USP54: variants seen among roughly 807,000 people sequenced by gnomAD.
The protein encoded by USP54 is ubiquitin carboxyl-terminal hydrolase 54.
In USP54, 87 loss-of-function variants were observed where a neutral mutation model predicts 170.5. The observed-to-expected ratio is 0.51, with a 90% CI of 0.43 to 0.61. USP54 has a LOEUF of 0.61. USP54 is among the 20% of genes least tolerant of loss of function. USP54 has a pLI of 0.00. For synonymous variants in USP54, 655 were observed against 742.8 expected, an observed-to-expected ratio of 0.88 and a Z score of 1.92; for missense variants, 1,786 against 2,047.8, an observed-to-expected ratio of 0.87 and a Z score of 2.47.
At position 73,529,922 on chromosome 10, in the gene USP54, C is replaced by A; in HGVS notation, c.1829-11G>T. 1 of 1,520,998 alleles carries A rather than the reference C, an allele frequency of 6.6e-7. No individual in the cohort carries two copies. Among genetic ancestry groups the A allele is most frequent in the South Asian group, 1.3e-5 (1 of 75,106 alleles). 94.2% of individuals were successfully genotyped at this position (1,520,998 alleles called of 1,614,324 possible). ...GTATAAATTCTTTAGCTATCCCAAT[C>A]AAAAGACAGGTATGGAAAATGAGGT... is the stretch of plus-strand genomic sequence containing the variant. On this transcript the variant is annotated splice_polypyrimidine_tract_variant and intron_variant, in intron 14 of 23. Transcript: ENST00000687698.
At chr10:73,561,938 G>T (rs745493182) in intron 4 of USP54, among the ~76,000 whole-genome samples, 1 of 151,856 alleles carries the variant, frequency 6.6e-6, no homozygotes, top group Admixed American at 6.6e-5. Context: ...AGCATAAAAA[G>T]AAATGACAAT....
rs769520701 is a variant in USP54 at position 73,498,883 on chromosome 10, G to T, written c.4801C>A (p.His1601Asn). 6.8e-6 allele frequency: 5 copies of T among 736,098 alleles called. No homozygotes were observed. Among genetic ancestry groups the T allele is most frequent in the African/African-American group, 3.6e-5 (2 of 55,492 alleles). The allele number at this position is 736,098 out of a possible 1,614,324, so 45.6% of individuals were successfully genotyped here. A position where few individuals can be genotyped will look rare whatever the true frequency, so the allele number is the denominator to read the frequency against. ...FHSPSHPPIV[H>N]PVYPPSSSLH... is the part of the protein sequence containing the mutation. Reference sequence around the variant, plus strand: ...CTGCTAGATGGTGGGTACACAGGATGAACAATGGGAGGGTGGGAGGGTGAA... The same window carrying T: ...CTGCTAGATGGTGGGTACACAGGATTAACAATGGGAGGGTGGGAGGGTGAA... Residue 1601 changes from histidine to asparagine, a missense_variant, in exon 24 of 24, where the codon CAT (histidine) becomes AAT (asparagine). Coordinates refer to ENST00000687698, the MANE Select transcript of USP54 (RefSeq NM_001391956.1).
intron 1 of USP54, among the ~76,000 whole-genome samples, chr10:73,589,444 C>T (rs1385034610): frequency 6.6e-6 from 1 of 152,136 alleles, no homozygotes; most frequent in Non-Finnish European, 1.5e-5. Flanking sequence ...ATTTATTAGG[C>T]CCCTGGATAG....
chr10:73,541,554 T>A, intron 8 of USP54, 33 bp from the exon 9 acceptor site: 1 of 1,613,640 alleles, frequency 6.2e-7, no homozygotes, highest in Non-Finnish European at 8.5e-7. Flanking sequence ...GTTCAACATG[T>A]TTCCCACTGG....
intron 22 of USP54, among the ~76,000 whole-genome samples, chr10:73,503,203 A>G (rs947235844): frequency 6.6e-6 from 1 of 152,210 alleles, no homozygotes; most frequent in African/African-American, 2.4e-5. Context: ...ATATTTGCTC[A>G]GGTCCCTTTT....
intron 22 of USP54, among the ~76,000 whole-genome samples, chr10:73,501,611 C>T (rs1175656528): frequency 1.3e-5 from 2 of 152,132 alleles, no homozygotes; most frequent in Non-Finnish European, 2.9e-5. Flanking sequence ...TTAAATTCAC[C>T]TGGACTACTG....
intron 1 of USP54, among the ~76,000 whole-genome samples, chr10:73,604,070 G>A (rs1239134308): frequency 2.0e-5 from 3 of 152,026 alleles, no homozygotes; most frequent in Non-Finnish European, 2.9e-5. Context: ...CCAATGTGGT[G>A]AAACCCTGTC....
chr10:73,499,176 C>G lies in USP54; in HGVS notation c.4508G>C (p.Ser1503Thr), dbSNP rs533163289. The G allele has an allele frequency of 6.3e-7, 1 of 1,597,724 alleles. No individual in the cohort carries two copies. The highest frequency in any genetic ancestry group is 1.8e-5 in the Admixed American group (1 of 56,030). Reference protein sequence around the residue: ...EPNRLPGTSRSVQQFLAMCDR... With the variant: ...EPNRLPGTSRTVQQFLAMCDR... ...ACACATAGCCAGAAACTGCTGGACA[C>G]TCCTTGAAGTTCCTGGGGAAAGAAA... Residue 1503 changes from serine (S) to threonine (T), a missense_variant, in exon 24 of 24, where the codon AGT becomes ACT. By Grantham distance (58) the Ser-to-Thr change is moderately conservative (BLOSUM62 1). Around this residue, in one of 3 missense-constraint regions of USP54, gnomAD observed 1,418 missense variants for 1,569.0 expected, o/e 0.90. Transcript: ENST00000687698.
At chr10:73,605,913 C>T (rs1462885448) in intron 1 of USP54, among the ~76,000 whole-genome samples, 2 of 151,924 alleles carry the variant, frequency 1.3e-5, no homozygotes, top group Non-Finnish European at 2.9e-5. Flanking sequence ...TGTGGTAGCG[C>T]ACACCTGTAA....
chr10:73,550,080 C>T (rs1350024027), intron 4 of USP54, among the ~76,000 whole-genome samples: 1 of 152,158 alleles, frequency 6.6e-6, no homozygotes, highest in Non-Finnish European at 1.5e-5. Context: ...TGTGCCACTA[C>T]ACCCGGCTAA....
chr10:73,608,766 G>A (rs558603309), intron 1 of USP54, among the ~76,000 whole-genome samples: 18 of 152,224 alleles, frequency 1.2e-4, no homozygotes, highest in South Asian at 2.1e-4. Flanking sequence ...GCATGCTAGC[G>A]CGTGTCTGTA....
At chr10:73,513,853 C>T (rs1227433343) in intron 20 of USP54, among the ~76,000 whole-genome samples, 1 of 152,012 alleles carries the variant, frequency 6.6e-6, no homozygotes, top group Non-Finnish European at 1.5e-5. Context: ...CTTGGTCTGT[C>T]GCCCAGGTTA....
chr10:73,610,813 T>C (rs892450070), intron 1 of USP54, among the ~76,000 whole-genome samples: 4 of 152,164 alleles, frequency 2.6e-5, no homozygotes, highest in African/African-American at 7.2e-5. Flanking sequence ...TTGAAAAAAA[T>C]GTGCTTTGTA....
intron 1 of USP54, among the ~76,000 whole-genome samples, chr10:73,624,192 A>ATG (rs1554955702): frequency 9.2e-6 from 1 of 109,060 alleles, no homozygotes; most frequent in Non-Finnish European, 1.8e-5. Flanking sequence ...ATATATATAT[A>ATG]TATGTATTTT....
Position 73,500,734 on chromosome 10 carries a change from T to A in USP54, c.4416A>T (p.Gln1472His). 1 of 1,604,908 alleles carries A rather than the reference T, an allele frequency of 6.2e-7. No individual in the cohort carries two copies. The highest frequency in any genetic ancestry group is 8.5e-7 in the Non-Finnish European group (1 of 1,176,026). Residue 1472 changes from glutamine (Q) to histidine (H), a missense_variant, in exon 23 of 24, where the codon CAA becomes CAT. Around this residue, in one of 3 missense-constraint regions of USP54, gnomAD observed 1,418 missense variants for 1,569.0 expected, o/e 0.90. Coordinates refer to ENST00000687698, the MANE Select transcript of USP54 (RefSeq NM_001391956.1). Reference sequence around the variant, plus strand: ...GGAACTGTGGTTGGGGAAGGTAGAGTTGGGGACCGAGGAGAAACACAGAAG... The same window carrying A: ...GGAACTGTGGTTGGGGAAGGTAGAGATGGGGACCGAGGAGAAACACAGAAG... ...HDPSVFLLGP[Q>H]LYLPQPQFLS...
intron 1 of USP54, among the ~76,000 whole-genome samples, chr10:73,591,000 A>ATT (rs201118539): frequency 0.033 from 4,955 of 150,056 alleles, 135 homozygotes; most frequent in South Asian, 0.11. Context: ...AAAATCTATG[A>ATT]ATTTTTTTTT....
intron 1 of USP54, chr10:73,614,062 C>T (rs1033977761): frequency 1.3e-5 from 2 of 151,276 alleles, no homozygotes; most frequent in South Asian, 2.1e-4. Context: ...ATTAGTCACA[C>T]GTGGTGCCAT....
intron 5 of USP54, 21 bp downstream of exon 5, chr10:73,545,517 G>C: frequency 8.1e-6 from 13 of 1,613,344 alleles, no homozygotes; most frequent in Non-Finnish European, 1.1e-5. Context: ...ATATCAAAGA[G>C]GGCCAGAGGC....
intron 1 of USP54, among the ~76,000 whole-genome samples, chr10:73,607,311 G>C (rs1440190805): frequency 5.0e-5 from 6 of 119,284 alleles, no homozygotes; most frequent in African/African-American, 1.6e-4. Flanking sequence ...ATCATTCCTA[G>C]AGTTTGCTTA....
Sources: allele counts gnomAD v4.1 joint callset (sites outside exome capture counted in the v4.1 genomes callset), GRCh38; gene constraint gnomAD v4.1.1; regional missense constraint gnomAD v4.1.1; transcripts MANE v1.5; gene names NCBI Gene and HGNC (gene_info 2026-07-23, HGNC 2026-07-21).